The following PHF2 variants were observed in gnomAD, a reference collection of about 807,000 sequenced individuals.
PHF2 encodes the protein lysine-specific demethylase PHF2.
Under a neutral mutation model 120.5 loss-of-function variants are expected in PHF2, and 27 were observed. That is an observed-to-expected ratio of 0.22 (90% confidence interval 0.17 to 0.31). The LOEUF is 0.31. PHF2 is among the 10% of genes least tolerant of loss of function. The pLI, the probability that PHF2 is intolerant of heterozygous loss-of-function variation, is 1.00. For synonymous variants in PHF2, 568 were observed against 592.5 expected (o/e 0.96, Z 0.60); for missense variants, 1,024 against 1,434.8 (o/e 0.71, Z 4.63).
At chr9:93,652,366 C>T (rs929942968) in intron 5 of PHF2, among the ~76,000 whole-genome samples, 6 of 144,560 alleles carry the variant, frequency 4.2e-5, no homozygotes, top group African/African-American at 8.0e-5. Flanking sequence ...GTGATTTTGG[C>T]TCACTGTAAC....
intron 1 of PHF2, among the ~76,000 whole-genome samples, chr9:93,619,245 C>T (rs1825784041): frequency 6.6e-6 from 1 of 152,132 alleles, no homozygotes; most frequent in Non-Finnish European, 1.5e-5. Context: ...TGGGAGGTCA[C>T]AAGCTGAGAC....
chr9:93,586,806 T>A (rs1267811947), intron 1 of PHF2, among the ~76,000 whole-genome samples: 1 of 152,084 alleles, frequency 6.6e-6, no homozygotes, highest in Non-Finnish European at 1.5e-5. Context: ...CGGGCAGCAG[T>A]GAGGAAGACT....
intron 6 of PHF2, among the ~76,000 whole-genome samples, chr9:93,654,192 A>G (rs1293188729): frequency 6.6e-6 from 1 of 152,180 alleles, no homozygotes; most frequent in East Asian, 1.9e-4. Flanking sequence ...AAACAATGTA[A>G]TGTGGGATTA....
intron 1 of PHF2, among the ~76,000 whole-genome samples, chr9:93,594,410 G>A (rs1825293006): frequency 6.6e-6 from 1 of 152,220 alleles, no homozygotes; most frequent in African/African-American, 2.4e-5. Context: ...TCTTCAGGCT[G>A]ATAGGTTCCT....
chr9:93,635,695 T>C (rs745648343), intron 2 of PHF2, among the ~76,000 whole-genome samples: 12 of 152,128 alleles, frequency 7.9e-5, no homozygotes, highest in Non-Finnish European at 1.5e-4. Flanking sequence ...TATGTACATA[T>C]GTGTGTGCCT....
At chr9:93,583,826 CTTTT>C (rs113746371) in intron 1 of PHF2, among the ~76,000 whole-genome samples, 40,925 of 123,810 alleles carry the variant, frequency 0.33, 4,879 homozygotes, top group Non-Finnish European at 0.4. Flanking sequence ...TTTTTCTTTT[CTTTT>C]TTTTTTTTTT....
rs755995549 is a variant in PHF2 at position 93,675,800 on chromosome 9, G to A, written c.2832+11G>A. ...AAGTTGTCCCAGCAGGTGAGGAGGGGCGAGAAGGACACACGGCAGCCAGGT... is the reference window on the plus strand; with the variant it reads ...AAGTTGTCCCAGCAGGTGAGGAGGGACGAGAAGGACACACGGCAGCCAGGT... On this transcript the variant is annotated intron_variant, in intron 20 of 21. Coordinates refer to ENST00000359246, the MANE Select transcript of PHF2 (RefSeq NM_005392.4). 6.2e-7 allele frequency: 1 copy of A among 1,601,788 alleles called. No individual in the cohort carries two copies. Among genetic ancestry groups the A allele is most frequent in the Non-Finnish European group, 8.5e-7 (1 of 1,174,082 alleles).
intron 17 of PHF2, among the ~76,000 whole-genome samples, chr9:93,671,764 G>C (rs1355627006): frequency 6.9e-6 from 1 of 143,896 alleles, no homozygotes; most frequent in Non-Finnish European, 1.5e-5. Flanking sequence ...ATGCAGATGT[G>C]GGTGTGGATG....
chr9:93,624,656 G>A (rs1825879240), intron 1 of PHF2, among the ~76,000 whole-genome samples: 1 of 145,010 alleles, frequency 6.9e-6, no homozygotes, highest in South Asian at 2.4e-4. Flanking sequence ...TGTTGGTGAT[G>A]GTGTTGGTGG....
At chr9:93,590,027 G>C (rs956648868) in intron 1 of PHF2, among the ~76,000 whole-genome samples, 1 of 152,208 alleles carries the variant, frequency 6.6e-6, no homozygotes, top group Non-Finnish European at 1.5e-5. Context: ...ATCCTGGTCT[G>C]TATGTTTTTG....
intron 5 of PHF2, among the ~76,000 whole-genome samples, chr9:93,649,420 CTG>C (rs1225017794): frequency 1.3e-4 from 16 of 123,184 alleles, no homozygotes; most frequent in Non-Finnish European, 1.6e-5. Flanking sequence ...CCACAGCTGA[CTG>C]TTTCTCTTTT....
intron 1 of PHF2, among the ~76,000 whole-genome samples, chr9:93,584,480 G>T (rs1862997162): frequency 6.6e-6 from 1 of 152,188 alleles, no homozygotes; most frequent in Non-Finnish European, 1.5e-5. Flanking sequence ...AGTTGTCTCA[G>T]CATCATTTGT....
In PHF2 at chr9:93,674,862, C is replaced by T. The variant is rs182857226; in HGVS notation, c.2627-65C>T. ...GAAGGTCTGCAGCCACCTGTACCCCCCCGCCCTCCTCCGTGGACCTGCCCT... is the reference window on the plus strand; with the variant it reads ...GAAGGTCTGCAGCCACCTGTACCCCTCCGCCCTCCTCCGTGGACCTGCCCT... On this transcript the variant is annotated intron_variant, in intron 18 of 21. Transcript: ENST00000359246. 2.9e-5 allele frequency: 34 copies of T among 1,187,832 alleles called. No homozygotes were observed. The African/African-American group carries it at 4.6e-4, about 16-fold the overall frequency. 73.6% of individuals were successfully genotyped at this position (1,187,832 alleles called of 1,614,324 possible).
chr9:93,629,138 T>G (rs2131649083), intron 1 of PHF2, among the ~76,000 whole-genome samples: 1 of 152,224 alleles, frequency 6.6e-6, no homozygotes, highest in East Asian at 1.9e-4. Flanking sequence ...TGACCTCAAG[T>G]GATCCGCCCA....
chr9:93,654,355 G>C (rs41274432), intron 6 of PHF2, 58 bp from the exon 7 acceptor site: 27,371 of 1,562,896 alleles, frequency 0.018, 306 homozygotes, highest in Middle Eastern at 0.032. Context: ...CCTGTCACTT[G>C]CACCCCCGAC....
chr9:93,666,376 C>T (rs868645333), intron 16 of PHF2, among the ~76,000 whole-genome samples: 8 of 152,226 alleles, frequency 5.3e-5, no homozygotes, highest in South Asian at 2.1e-4. Context: ...GCCCTGCCCC[C>T]GCCTCTCCTT....
intron 1 of PHF2, among the ~76,000 whole-genome samples, chr9:93,582,255 C>G (rs1862945448): frequency 6.6e-6 from 1 of 152,144 alleles, no homozygotes; most frequent in Admixed American, 6.6e-5. Context: ...TGGCACCTGG[C>G]TTAGGTTATT....
intron 1 of PHF2, among the ~76,000 whole-genome samples, chr9:93,590,182 A>G (rs996240830): frequency 1.3e-5 from 2 of 152,178 alleles, no homozygotes; most frequent in Admixed American, 1.3e-4. Flanking sequence ...TGAGCCTTTG[A>G]TCTTTGTCAA....
At chr9:93,577,897 G>T (rs1251951002) in intron 1 of PHF2, among the ~76,000 whole-genome samples, 1 of 152,228 alleles carries the variant, frequency 6.6e-6, no homozygotes, top group South Asian at 2.1e-4. Context: ...GACTTTGCCT[G>T]TGGGATGTGT....
Sources: gnomAD v4.1 joint callset for allele counts (sites outside exome capture counted in the v4.1 genomes callset) on GRCh38, gnomAD v4.1.1 for gene constraint, MANE v1.5 for transcripts, NCBI Gene and HGNC (gene_info 2026-07-23, HGNC 2026-07-21) for gene names.